SPRY3: variants seen among roughly 807,000 people sequenced by gnomAD.
The protein encoded by SPRY3 is sprouty RTK signaling antagonist 3, also known as protein sprouty homolog 3.
In SPRY3, 15 loss-of-function variants were observed where a neutral mutation model predicts 20.2. The ratio of observed to expected loss-of-function variants is 0.74; its 90% CI spans 0.50 to 1.14. The LOEUF is 1.14. Among genes scored for constraint, SPRY3 ranks in the 50% most tolerant of loss-of-function variants. SPRY3 has a pLI of 0.00. For missense variants in SPRY3, 364 were observed against 363.9 expected, an observed-to-expected ratio of 1.00 and a Z score of 0.00; for synonymous variants, 143 against 136.5, an observed-to-expected ratio of 1.05 and a Z score of -0.33.
At chrX:155,655,744 G>T (rs563690) in intron 1 of SPRY3, among the ~76,000 whole-genome samples, 149 of 109,980 alleles carry the variant, frequency 1.4e-3, no homozygotes, top group Middle Eastern at 9.4e-3. Context: ...GACTGGTACC[G>T]GTTTTTCCTT....
chrX:155,622,410 T>C (rs2067874341), intron 1 of SPRY3, among the ~76,000 whole-genome samples: 1 of 111,705 alleles, frequency 9.0e-6, no homozygotes, highest in Non-Finnish European at 1.9e-5. Context: ...AGCTCCATAA[T>C]TCACTGTCTC....
At chrX:155,641,290 C>A (rs2067939197) in intron 1 of SPRY3, among the ~76,000 whole-genome samples, 1 of 111,853 alleles carries the variant, frequency 8.9e-6, no homozygotes, top group African/African-American at 3.2e-5. Context: ...GATAAATTAT[C>A]TTTTTAATGT....
At chrX:155,615,684 C>A (rs1474847531) in intron 1 of SPRY3, among the ~76,000 whole-genome samples, 1 of 111,581 alleles carries the variant, frequency 9.0e-6, no homozygotes, top group Non-Finnish European at 1.9e-5. Flanking sequence ...CTAGACCATA[C>A]AAAATTTTCC....
At chrX:155,718,740 A>G (rs1460011482) in intron 2 of SPRY3, among the ~76,000 whole-genome samples, 1 of 152,196 alleles carries the variant, frequency 6.6e-6, no homozygotes, top group Non-Finnish European at 1.5e-5. Flanking sequence ...CTGATGTATT[A>G]AATATTTAAA....
intron 2 of SPRY3, among the ~76,000 whole-genome samples, chrX:155,750,268 G>A (rs1180606526): frequency 1.3e-5 from 2 of 151,798 alleles, no homozygotes; most frequent in Admixed American, 6.6e-5. Context: ...ATAGGCACTG[G>A]AGACTAGTGC....
At chrX:155,630,097 A>G (rs2067901270) in intron 1 of SPRY3, among the ~76,000 whole-genome samples, 1 of 112,124 alleles carries the variant, frequency 8.9e-6, no homozygotes, top group African/African-American at 3.2e-5. Context: ...CAAACAAACA[A>G]ACAGAAACCT....
intron 2 of SPRY3, among the ~76,000 whole-genome samples, chrX:155,712,549 C>G (rs1046882891): frequency 6.6e-6 from 1 of 151,778 alleles, no homozygotes; most frequent in African/African-American, 2.4e-5. Context: ...TTTTCCATTT[C>G]TTTGTTTTCA....
At chrX:155,767,236 G>A (rs2091337721) in intron 2 of SPRY3, among the ~76,000 whole-genome samples, 2 of 151,624 alleles carry the variant, frequency 1.3e-5, no homozygotes, top group South Asian at 4.2e-4. Context: ...GGGGAGGGGG[G>A]AGAGAAAGAA....
intron 2 of SPRY3, among the ~76,000 whole-genome samples, chrX:155,726,526 A>G (rs1297261593): frequency 6.6e-6 from 1 of 152,182 alleles, no homozygotes; most frequent in Non-Finnish European, 1.5e-5. Context: ...ATATATATTT[A>G]GGATAGTCAG....
At chrX:155,643,710 TTGTTTG>T (rs2067949326) in intron 1 of SPRY3, among the ~76,000 whole-genome samples, 2 of 112,102 alleles carry the variant, frequency 1.8e-5, no homozygotes, top group African/African-American at 6.5e-5. Context: ...CAACTTAACA[TTGTTTG>T]CATAAACAAA....
At chrX:155,708,838 G>A (rs1253749198) in intron 2 of SPRY3, among the ~76,000 whole-genome samples, 2 of 151,160 alleles carry the variant, frequency 1.3e-5, no homozygotes, top group African/African-American at 4.8e-5. Flanking sequence ...AATACTAGAA[G>A]TTACTCATTC....
intron 2 of SPRY3, among the ~76,000 whole-genome samples, chrX:155,717,180 C>T (rs1013070671): frequency 6.7e-6 from 1 of 149,392 alleles, no homozygotes; most frequent in Non-Finnish European, 1.5e-5. Context: ...ATATCATCAA[C>T]TTTTATTTTT....
At chrX:155,676,262 G>T (rs1336506049) in intron 2 of SPRY3, among the ~76,000 whole-genome samples, 1 of 110,063 alleles carries the variant, frequency 9.1e-6, no homozygotes, top group East Asian at 2.9e-4. Context: ...ATCTATCTTG[G>T]GTTATAATCT....
intron 2 of SPRY3, among the ~76,000 whole-genome samples, chrX:155,717,194 C>T (rs2091029360): frequency 6.7e-6 from 1 of 148,354 alleles, no homozygotes. Context: ...TATTTTTTTG[C>T]TGGGCCTTCT....
intron 2 of SPRY3, among the ~76,000 whole-genome samples, chrX:155,727,351 C>A (rs1459240493): frequency 1.3e-5 from 2 of 152,076 alleles, no homozygotes; most frequent in Non-Finnish European, 2.9e-5. Context: ...TGTTGGCCTG[C>A]CTTCCTAGGT....
At chrX:155,758,636 G>T (rs1177627172) in intron 2 of SPRY3, among the ~76,000 whole-genome samples, 1 of 152,128 alleles carries the variant, frequency 6.6e-6, no homozygotes, top group Non-Finnish European at 1.5e-5. Flanking sequence ...GAACTTTCAG[G>T]CTCTCAAATG....
chrX:155,647,497 C>T (rs1253354459), intron 1 of SPRY3, among the ~76,000 whole-genome samples: 1 of 109,985 alleles, frequency 9.1e-6, no homozygotes, highest in Non-Finnish European at 1.9e-5. Flanking sequence ...TGATGTTCCC[C>T]ACCCTGTGCC....
intron 2 of SPRY3, among the ~76,000 whole-genome samples, chrX:155,765,822 G>C (rs1414114609): frequency 6.6e-6 from 1 of 152,182 alleles, no homozygotes; most frequent in African/African-American, 2.4e-5. Context: ...GGTTACATTA[G>C]AGCAAGAACA....
chrX:155,767,223 C>CG (rs1310649318), intron 2 of SPRY3, among the ~76,000 whole-genome samples: 1 of 151,142 alleles, frequency 6.6e-6, no homozygotes, highest in African/African-American at 2.5e-5. Context: ...CAACGACACG[C>CG]GGGGGGAGGG....
Sources: gnomAD v4.1 joint callset for allele counts (sites outside exome capture counted in the v4.1 genomes callset) on GRCh38, gnomAD v4.1.1 for gene constraint, MANE v1.5 for transcripts, NCBI Gene and HGNC (gene_info 2026-07-23, HGNC 2026-07-21) for gene names.